The following NFIB variants were observed in gnomAD, a reference collection of about 807,000 sequenced individuals.
NFIB encodes nuclear factor I B.
Under a neutral mutation model 61.5 loss-of-function variants are expected in NFIB, and 11 were observed. The observed-to-expected ratio is 0.18, with a 90% confidence interval of 0.11 to 0.30. The LOEUF (loss-of-function observed/expected upper bound fraction) is 0.30, where lower values mean the gene tolerates loss of function less well. NFIB is among the 10% of genes least tolerant of loss of function. The probability of loss-of-function intolerance (pLI) is 1.00; values close to 1 mark genes in which losing one functional copy is unlikely to be tolerated. For synonymous variants in NFIB, 260 were observed against 216.5 expected (o/e 1.20, Z -1.76); for missense variants, 471 against 608.9 (o/e 0.77, Z 2.38).
chr9:14,089,185 C>A (rs7023308), intron 10 of NFIB, among the ~76,000 whole-genome samples: 2,081 of 152,002 alleles, frequency 0.014, 39 homozygotes, highest in African/African-American at 0.047. Context: ...CAACAGAAGC[C>A]TGAGCATTTC....
intron 10 of NFIB, among the ~76,000 whole-genome samples, chr9:14,107,331 CA>C (rs998325865): frequency 6.9e-4 from 100 of 145,400 alleles, no homozygotes; most frequent in South Asian, 2.4e-3. Flanking sequence ...AACAAACAAA[CA>C]AAAAAAAAAG....
intron 10 of NFIB, among the ~76,000 whole-genome samples, chr9:14,103,188 C>T (rs1184868517): frequency 6.6e-6 from 1 of 152,136 alleles, no homozygotes; most frequent in Non-Finnish European, 1.5e-5. Flanking sequence ...ACAAATTCTT[C>T]CCAGATCTCC....
the NFIB span, among the ~76,000 whole-genome samples, chr9:14,427,950 T>TTTTTTG: frequency 0.021 from 2,232 of 105,268 alleles, 177 homozygotes; most frequent in African/African-American, 0.073. Context: ...TTTTTTTTTT[T>TTTTTTG]TTTTTTTTTT....
chr9:14,463,695 C>CACTA, the NFIB span, among the ~76,000 whole-genome samples: 1 of 115,370 alleles, frequency 8.7e-6, no homozygotes, highest in Non-Finnish European at 1.6e-5. Flanking sequence ...GACGGAGTCT[C>CACTA]TGTCACCCAG....
chr9:14,422,626 T>A, the NFIB span, among the ~76,000 whole-genome samples: 4 of 152,214 alleles, frequency 2.6e-5, no homozygotes, highest in Admixed American at 2.6e-4. Flanking sequence ...ATCCTTTCAC[T>A]TTCCACTCAA....
intron 2 of NFIB, among the ~76,000 whole-genome samples, chr9:14,237,640 T>G (rs1276415168): frequency 2.0e-5 from 3 of 152,088 alleles, no homozygotes; most frequent in Non-Finnish European, 1.5e-5. Flanking sequence ...CATCCAAAAG[T>G]TAAATAACTC....
At chr9:14,494,197 A>G in the NFIB span, among the ~76,000 whole-genome samples, 3 of 152,174 alleles carry the variant, frequency 2.0e-5, no homozygotes, top group Admixed American at 6.5e-5. Flanking sequence ...AATTCAGCAA[A>G]AACTAAAAAC....
chr9:14,495,499 G>A, the NFIB span, among the ~76,000 whole-genome samples: 1 of 134,146 alleles, frequency 7.5e-6, no homozygotes, highest in Admixed American at 8.8e-5. Flanking sequence ...AGTTTTAACT[G>A]CTGGACTATG....
At chr9:14,414,550 G>C in the NFIB span, among the ~76,000 whole-genome samples, 2 of 132,684 alleles carry the variant, frequency 1.5e-5, no homozygotes, top group South Asian at 2.4e-4. Flanking sequence ...TTTAGTGACC[G>C]TAAGTAGATG....
intron 1 of NFIB, among the ~76,000 whole-genome samples, chr9:14,359,681 A>C (rs572937858): frequency 6.6e-6 from 1 of 152,188 alleles, no homozygotes; most frequent in Non-Finnish European, 1.5e-5. Flanking sequence ...GCACTAGTGT[A>C]TGGTTGAGGG....
At chr9:14,371,141 AAAC>A (rs2061354213) in intron 1 of NFIB, among the ~76,000 whole-genome samples, 1 of 151,682 alleles carries the variant, frequency 6.6e-6, no homozygotes, top group African/African-American at 2.4e-5. Flanking sequence ...AAACAAACAA[AAAC>A]ACACACACAC....
At chr9:14,234,386 T>TC (rs1451536331) in intron 2 of NFIB, among the ~76,000 whole-genome samples, 2 of 145,872 alleles carry the variant, frequency 1.4e-5, no homozygotes, top group Admixed American at 6.8e-5. Flanking sequence ...TTTTTTTTTT[T>TC]CTTAATGGAG....
At chr9:14,204,663 T>G (rs569577901) in intron 2 of NFIB, 283 of 646,876 alleles carry the variant, frequency 4.4e-4, no homozygotes, top group Non-Finnish European at 7.3e-4. Flanking sequence ...CAAGCAGGAG[T>G]TAACACCATC....
At chr9:14,454,248 T>A in the NFIB span, among the ~76,000 whole-genome samples, 10 of 152,218 alleles carry the variant, frequency 6.6e-5, no homozygotes, top group African/African-American at 2.2e-4. Context: ...AAGTTAGACC[T>A]GACTTGTCAA....
the NFIB span, among the ~76,000 whole-genome samples, chr9:14,419,187 A>G: frequency 6.6e-6 from 1 of 151,838 alleles, no homozygotes; most frequent in East Asian, 1.9e-4. Context: ...TTTAATTGCT[A>G]TGGAAAAAAT....
intron 2 of NFIB, among the ~76,000 whole-genome samples, chr9:14,216,179 C>A (rs2131774409): frequency 6.6e-6 from 1 of 152,286 alleles, no homozygotes; most frequent in South Asian, 2.1e-4. Context: ...TGCCTGGTCA[C>A]AATTTTTTCT....
At chr9:14,201,261 G>A (rs112841883) in intron 2 of NFIB, among the ~76,000 whole-genome samples, 5,136 of 152,176 alleles carry the variant, frequency 0.034, 239 homozygotes, top group African/African-American at 0.1. Context: ...TGCTAGCTAG[G>A]ATAATCTACA....
At chr9:14,233,710 G>A (rs572440541) in intron 2 of NFIB, among the ~76,000 whole-genome samples, 2 of 152,266 alleles carry the variant, frequency 1.3e-5, no homozygotes, top group Non-Finnish European at 1.5e-5. Flanking sequence ...GATTACAGGC[G>A]TGAACCACTG....
chr9:14,390,335 T>C lies in NFIB; in HGVS notation c.108+8189A>G, dbSNP rs193285970. ...AAAATAAAAATACTTCCATACCTGA[T>C]GCCCAGATCTAAATGGCTAATTTTG... On this transcript the variant is annotated intron_variant, in intron 1 of 8. Coordinates refer to the NFIB transcript ENST00000380934. Among the ~76,000 whole-genome samples the C allele has an allele frequency of 1.4e-3, 217 of 152,280 alleles. 2 individuals are homozygous for C. Among genetic ancestry groups the C allele is most frequent in the East Asian group, 5.8e-3 (30 of 5,182 alleles).
Sources: allele counts gnomAD v4.1 joint callset (sites outside exome capture counted in the v4.1 genomes callset), GRCh38; gene constraint gnomAD v4.1.1; transcripts MANE v1.5; gene names NCBI Gene and HGNC (gene_info 2026-07-23, HGNC 2026-07-21).